Variants in GARS1 observed in about 807,000 individuals in gnomAD.
The protein encoded by GARS1 is glycyl-tRNA synthetase 1, also known as glycine--tRNA ligase.
Under a neutral mutation model 86.4 loss-of-function variants are expected in GARS1, and 46 were observed. That is an observed-to-expected ratio of 0.53 (90% CI 0.42 to 0.68). The LOEUF (loss-of-function observed/expected upper bound fraction) is 0.68. GARS1 is among the 30% of genes least tolerant of loss of function. GARS1 has a pLI of 0.00. For missense variants in GARS1, 797 were observed against 915.6 expected, an observed-to-expected ratio of 0.87 and a Z score of 1.67; for synonymous variants, 342 against 329.8, an observed-to-expected ratio of 1.04 and a Z score of -0.40.
upstream of GARS1, chr7:30,594,846 T>C (rs1791202053): frequency 2.3e-6 from 3 of 1,292,712 alleles, no homozygotes; most frequent in East Asian, 5.2e-5. Flanking sequence ...ACGCGGCGAT[T>C]TCATCATGCT....
intron 8 of GARS1, among the ~76,000 whole-genome samples, chr7:30,614,661 G>A (rs1428198743): frequency 6.6e-6 from 1 of 151,998 alleles, no homozygotes; most frequent in African/African-American, 2.4e-5. Context: ...GGATCATGAG[G>A]TTCAGGAGAT....
chr7:30,604,148 A>G (rs1562773294), intron 6 of GARS1, among the ~76,000 whole-genome samples: 1 of 152,192 alleles, frequency 6.6e-6, no homozygotes, highest in African/African-American at 2.4e-5. Context: ...TTGCAGGAAT[A>G]CTTTCTATAT....
At chr7:30,617,405 G>C (rs1782911223) in intron 10 of GARS1, 127 bp downstream of exon 10, 1 of 1,186,380 alleles carries the variant, frequency 8.4e-7, no homozygotes, top group Admixed American at 2.0e-5. Context: ...CTTTTCCTGA[G>C]CAAAACAGAA....
chr7:30,600,828 T>C (rs1273577315), intron 3 of GARS1, among the ~76,000 whole-genome samples: 1 of 152,242 alleles, frequency 6.6e-6, no homozygotes, highest in African/African-American at 2.4e-5. Flanking sequence ...GTTGTAGATT[T>C]TGGGCTAGTC....
chr7:30,610,979 A>G (rs2128133862), intron 7 of GARS1, among the ~76,000 whole-genome samples: 1 of 152,344 alleles, frequency 6.6e-6, no homozygotes, highest in Non-Finnish European at 1.5e-5. Flanking sequence ...ATAAAAATCA[A>G]AAGAGTTGGT....
rs911050995 is a variant in GARS1 at position 30,633,940 on chromosome 7, A to G, written c.*80A>G. On this transcript the variant is annotated 3_prime_UTR_variant, in exon 17 of 17. Transcript: ENST00000389266. ...CTCTTATGTCCACTTTACAAAAGAA[A>G]ACAGCATTGTGATTACTCCCAGGGA... The G allele has an allele frequency of 1.2e-5, 19 of 1,540,270 alleles. No homozygotes were observed. The Admixed American group carries it at 2.5e-4, about 20-fold the overall frequency.
intron 8 of GARS1, among the ~76,000 whole-genome samples, chr7:30,613,777 T>C (rs920597409): frequency 6.6e-6 from 1 of 152,256 alleles, no homozygotes; most frequent in Non-Finnish European, 1.5e-5. Context: ...ACTAGTTTTT[T>C]CATGAGTCAG....
chr7:30,601,116 T>G lies in GARS1; in HGVS notation c.485T>G (p.Ile162Ser). The change falls in exon 4 of 17, where the codon ATT becomes AGT. Residue 162 changes from isoleucine to serine, a missense_variant. Ile to Ser is a moderately radical substitution (Grantham distance 142, BLOSUM62 -2). Transcript: ENST00000389266. ...GGCTGTGCTTTGAAGAACAATATTA[T>G]TCAGACCTGGAGGCAGCACTTTATC... ...PVGCALKNNI[I>S]QTWRQHFIQE... 1.2e-6 allele frequency: 2 copies of G among 1,614,070 alleles called. No homozygotes were observed. The highest frequency in any genetic ancestry group is 1.7e-6 in the Non-Finnish European group (2 of 1,179,930).
Position 30,603,134 on chromosome 7 carries a change from C to T in GARS1, c.658+12C>T. On this transcript the variant is annotated intron_variant, in intron 5 of 16. Transcript: ENST00000389266. ...CCATCTATTAAAAGGTGAGGTTCTTCATCTCCTTCAGGTAGGATTGATCAA... is the reference window on the plus strand; with the variant it reads ...CCATCTATTAAAAGGTGAGGTTCTTTATCTCCTTCAGGTAGGATTGATCAA... 1.3e-6 allele frequency: 2 copies of T among 1,591,164 alleles called. No individual in the cohort carries two copies. The highest frequency in any genetic ancestry group is 1.3e-5 in the African/African-American group (1 of 74,570).
rs976496704 is a variant in GARS1, at chr7:30,621,407, T to G, written c.1374T>G (p.Ile458Met). 2.5e-6 allele frequency: 4 copies of G among 1,614,134 alleles called. No individual in the cohort carries two copies. The highest frequency in any genetic ancestry group is 3.4e-6 in the Non-Finnish European group (4 of 1,179,958). Residue 458 changes from isoleucine (I) to methionine (M), a missense_variant, in exon 11 of 17, where the codon ATT (isoleucine) becomes ATG (methionine). Transcript: ENST00000389266. ...ESKTSYGWIE[I>M]VGCADRSCYD... ...TATCTTTTTAGGGTTGGATTGAGATTGTTGGATGTGCTGATCGTTCCTGTT... is the reference window on the plus strand; with the variant it reads ...TATCTTTTTAGGGTTGGATTGAGATGGTTGGATGTGCTGATCGTTCCTGTT...
At chr7:30,604,859 AGG>A (rs1205749562) in intron 6 of GARS1, among the ~76,000 whole-genome samples, 6 of 152,160 alleles carry the variant, frequency 3.9e-5, no homozygotes, top group Non-Finnish European at 7.4e-5. Context: ...AGATTTACTG[AGG>A]TTTTGTGTAT....
chr7:30,599,941 T>TAAAA lies in GARS1; in HGVS notation c.325-4_325-3insAAAA. On this transcript the variant is annotated splice_polypyrimidine_tract_variant and splice_region_variant and intron_variant, in intron 2 of 16. Coordinates refer to ENST00000389266, the MANE Select transcript of GARS1 (RefSeq NM_002047.4). ...ACTCACTCACTTTTTATTTAATCTC[T>TAAAA]AACAGGAGCTGGCGTTACAGCCCAA... 1 of 1,567,938 alleles carries TAAAA rather than the reference T, an allele frequency of 6.4e-7. No individual in the cohort carries two copies. The highest frequency in any genetic ancestry group is 8.8e-7 in the Non-Finnish European group (1 of 1,140,116).
intron 1 of GARS1, chr7:30,595,858 C>T (rs760737746): frequency 6.4e-6 from 3 of 470,974 alleles, no homozygotes; most frequent in Non-Finnish European, 1.3e-5. Flanking sequence ...AGATCGTAAA[C>T]CTGGGAAACT....
rs370057212 is a variant in GARS1, at chr7:30,616,035, C to A, written c.1171C>A (p.Arg391Ser). 9 of 1,613,978 alleles carry A rather than the reference C, an allele frequency of 5.6e-6. No individual in the cohort carries two copies. The highest frequency in any genetic ancestry group is 6.8e-6 in the Non-Finnish European group (8 of 1,180,004). ...QVSGQSARKMRLGDAVEQGVI... is the reference protein window; with the variant it reads ...QVSGQSARKMSLGDAVEQGVI... ...CAGCGGACAGTCCGCTCGGAAAATG[C>A]GCCTGGGAGATGCTGTTGAACAGGT... Residue 391 changes from arginine (R) to serine (S), a missense_variant, in exon 9 of 17, where the codon CGC becomes AGC. Coordinates refer to ENST00000389266, the MANE Select transcript of GARS1 (RefSeq NM_002047.4).
At chr7:30,606,574 T>C (rs1198929450) in intron 6 of GARS1, among the ~76,000 whole-genome samples, 1 of 152,204 alleles carries the variant, frequency 6.6e-6, no homozygotes, top group Non-Finnish European at 1.5e-5. Context: ...GTTGCAGTTA[T>C]CTTATTGGTG....
At chr7:30,602,312 C>T (rs1240145281) in intron 4 of GARS1, among the ~76,000 whole-genome samples, 3 of 152,094 alleles carry the variant, frequency 2.0e-5, no homozygotes, top group Non-Finnish European at 4.4e-5. Context: ...CTCCTGACCT[C>T]GTGATCCGCC....
In GARS1 at chr7:30,632,109, T is replaced by C; in HGVS notation, c.1904-138T>C. 1 of 804,190 alleles carries C rather than the reference T, an allele frequency of 1.2e-6. No individual in the cohort carries two copies. The highest frequency in any genetic ancestry group is 2.7e-5 in the East Asian group (1 of 37,494). 49.8% of individuals were successfully genotyped at this position (804,190 alleles called of 1,614,324 possible). On this transcript the variant is annotated intron_variant, in intron 15 of 16. Coordinates refer to ENST00000389266, the MANE Select transcript of GARS1 (RefSeq NM_002047.4). The surrounding 1 kb of genome is among the most constrained non-coding windows in gnomAD (Gnocchi z 4.1). ...ATTTATTAAACTTTAGGGATATTTC[T>C]TTCTCTTGCAACTCAACTTGTTGCT... is the stretch of plus-strand genomic sequence containing the variant.
At chr7:30,606,936 C>T (rs1791496839) in intron 6 of GARS1, among the ~76,000 whole-genome samples, 2 of 152,022 alleles carry the variant, frequency 1.3e-5, no homozygotes, top group South Asian at 4.2e-4. Flanking sequence ...TCTCCTTTAC[C>T]CTTACCAAAA....
chr7:30,613,188 A>T (rs750994297), intron 8 of GARS1, among the ~76,000 whole-genome samples: 2 of 152,094 alleles, frequency 1.3e-5, no homozygotes, highest in Non-Finnish European at 2.9e-5. Context: ...GAAGATGCCT[A>T]TGTTCTGCGC....
Sources: gnomAD v4.1 joint callset for allele counts (sites outside exome capture counted in the v4.1 genomes callset) on GRCh38, gnomAD v4.1.1 for gene constraint, Gnocchi (gnomAD v3.1) non-coding constraint, MANE v1.5 for transcripts, NCBI Gene and HGNC (gene_info 2026-07-23, HGNC 2026-07-21) for gene names.